The following KCNAB2 variants were observed in gnomAD, a reference collection of about 807,000 sequenced individuals.
The protein encoded by KCNAB2 is voltage-gated potassium channel subunit beta-2.
In KCNAB2, 29 loss-of-function variants were observed where a neutral mutation model predicts 63.6. The ratio of observed to expected loss-of-function variants is 0.46; its 90% CI spans 0.34 to 0.62. KCNAB2 has a LOEUF of 0.62. Among genes scored for constraint, KCNAB2 ranks in the 20% least tolerant of loss-of-function variants. The pLI is 0.01. For synonymous variants in KCNAB2, 222 were observed against 224.2 expected (o/e 0.99, Z 0.09); for missense variants, 359 against 563.9 (o/e 0.64, Z 3.68).
intron 2 of KCNAB2, among the ~76,000 whole-genome samples, chr1:6,052,801 A>G (rs1661503159): frequency 6.6e-6 from 1 of 152,198 alleles, no homozygotes; most frequent in South Asian, 2.1e-4. Context: ...TAAACGCGTA[A>G]CTTTTTAGCA....
rs150813072 is a variant in KCNAB2 at position 6,063,052 on chromosome 1, G to A, written c.219-9703G>A. On this transcript the variant is annotated intron_variant, in intron 2 of 15. Transcript: ENST00000378083. ...TGGATTTTTTTTTTTTTTTTGAGAC[G>A]GAATCTCACTGTCGCCCAGGCTAGA... is the stretch of plus-strand genomic sequence containing the variant. Among the ~76,000 whole-genome samples, 662 of 147,522 alleles carry A rather than the reference G, an allele frequency of 4.5e-3. 2 individuals are homozygous for A. The highest frequency in any genetic ancestry group is 6.5e-3 in the Non-Finnish European group (439 of 67,244).
intron 2 of KCNAB2, 108 bp downstream of exon 2, chr1:6,051,862 G>A: frequency 7.9e-7 from 1 of 1,273,382 alleles, no homozygotes; most frequent in Non-Finnish European, 1.1e-6. Context: ...CCAGCACTTG[G>A]GGAGGCAGAG....
intron 2 of KCNAB2, among the ~76,000 whole-genome samples, chr1:6,064,735 C>A (rs377740581): frequency 9.2e-5 from 14 of 152,304 alleles, no homozygotes; most frequent in African/African-American, 3.4e-4. Context: ...CGTCACCCCA[C>A]CACCTTCCAG....
intron 1 of KCNAB2, among the ~76,000 whole-genome samples, chr1:6,013,537 T>C (rs1883765): frequency 0.96 from 145,392 of 152,224 alleles, 69,481 homozygotes; most frequent in East Asian, 1. Flanking sequence ...GCATCTGAGG[T>C]CAGACACAGC....
At chr1:6,045,267 G>A (rs1348679766), upstream of KCNAB2, among the ~76,000 whole-genome samples, 1 of 152,152 alleles carries the variant, frequency 6.6e-6, no homozygotes, top group African/African-American at 2.4e-5. The surrounding 1 kb of genome is among the most constrained non-coding windows in gnomAD (Gnocchi z 4.8). Context: ...TCACTGGCGC[G>A]CTTTCTCAGC....
At position 6,100,349 on chromosome 1, in the gene KCNAB2, C is replaced by G. The variant is rs897764315; in HGVS notation, c.*1775C>G. ...CACTCAGTCCTGCTGCCTGCTTCAC[C>G]AGAAGCAGCCCTGTGAGTGTGGGGT... On this transcript the variant is annotated 3_prime_UTR_variant, in exon 16 of 16. Coordinates refer to ENST00000378083, the MANE Select transcript of KCNAB2 (RefSeq NM_001199862.2). 2.7e-4 allele frequency: 74 copies of G among 269,358 alleles called. No homozygotes were observed. Among genetic ancestry groups the G allele is most frequent in the African/African-American group, 1.5e-3 (66 of 45,512 alleles). 16.7% of individuals were successfully genotyped at this position (269,358 alleles called of 1,614,324 possible). A position where few individuals can be genotyped will look rare whatever the true frequency, so the allele number is the denominator to read the frequency against.
rs557162788 is a variant in KCNAB2 at position 6,085,928 on chromosome 1, G to A, written c.425+680G>A. On this transcript the variant is annotated intron_variant, in intron 6 of 15. Coordinates refer to ENST00000378083, the MANE Select transcript of KCNAB2 (RefSeq NM_001199862.2). ...TCCCCTCCAGCACAGACCGGGGAGC[G>A]GTCCCCGGGTGTGATGGAGCCCAAA... is the stretch of plus-strand genomic sequence containing the variant. 36 of 985,448 alleles carry A rather than the reference G, an allele frequency of 3.7e-5. No individual in the cohort carries two copies. In the East Asian group the frequency reaches 6.8e-4, roughly 19 times the overall value. The allele number at this position is 985,448 out of a possible 1,614,324, so 61.0% of individuals were successfully genotyped here.
intron 5 of KCNAB2, among the ~76,000 whole-genome samples, chr1:6,083,678 G>A (rs757175803): frequency 6.6e-6 from 1 of 152,244 alleles, no homozygotes; most frequent in South Asian, 2.1e-4. Context: ...CCTCACAGGG[G>A]AGCTGGGCGC....
intron 5 of KCNAB2, 109 bp from the exon 6 acceptor site, chr1:6,085,095 G>A: frequency 8.8e-7 from 1 of 1,134,332 alleles, no homozygotes. Flanking sequence ...CTGGCTCTCT[G>A]GCCCCAGTGA....
At chr1:6,094,750 T>A (rs1340362280) in intron 11 of KCNAB2, among the ~76,000 whole-genome samples, 1 of 152,212 alleles carries the variant, frequency 6.6e-6, no homozygotes, top group Non-Finnish European at 1.5e-5. Flanking sequence ...GTAGAACACA[T>A]CTGCTAGGTG....
At position 5,994,608 on chromosome 1, in the gene KCNAB2, TG is replaced by T. The variant is rs1158839146; in HGVS notation, c.-53+1826del. On this transcript the variant is annotated intron_variant, in intron 1 of 16. Coordinates refer to the KCNAB2 transcript ENST00000341524. This position sits in a 1 kb window ranked among gnomAD's most constrained non-coding sequence, Gnocchi z 5.4. ...TGGGGGCTGAGCCAGGCACTGGAGTTGGGGGGTGTCGTGAAAAAGTGTGAAA... is the reference window on the plus strand; with the variant it reads ...TGGGGGCTGAGCCAGGCACTGGAGTTGGGGGTGTCGTGAAAAAGTGTGAAA... Among the ~76,000 whole-genome samples the T allele has an allele frequency of 6.6e-6, 1 of 151,942 alleles. No homozygotes were observed. Among genetic ancestry groups the T allele is most frequent in the Non-Finnish European group, 1.5e-5 (1 of 67,986 alleles).
rs1171326333 is a variant in KCNAB2 at position 6,073,115 on chromosome 1, C to T, written c.262+317C>T. On this transcript the variant is annotated intron_variant, in intron 3 of 15. Transcript: ENST00000378083. The surrounding 1 kb of genome is among the most constrained non-coding windows in gnomAD (Gnocchi z 5.7). ...GGCCCTTAGGGCCCCGGGAGTGCAA[C>T]GAAGACACCTTACCTTCCAAGGCAG... Among the ~76,000 whole-genome samples, 2 of 152,254 alleles carry T rather than the reference C, an allele frequency of 1.3e-5. No individual in the cohort carries two copies. The highest frequency in any genetic ancestry group is 2.4e-5 in the African/African-American group (1 of 41,528).
intron 4 of KCNAB2, among the ~76,000 whole-genome samples, chr1:6,077,857 C>A (rs531221465): frequency 6.6e-6 from 1 of 152,234 alleles, no homozygotes; most frequent in South Asian, 2.1e-4. Context: ...GGCAAGACAC[C>A]GTCTCCAGTG....
intron 4 of KCNAB2, among the ~76,000 whole-genome samples, chr1:6,079,986 T>C (rs1390697371): frequency 6.6e-6 from 1 of 152,198 alleles, no homozygotes; most frequent in African/African-American, 2.4e-5. Flanking sequence ...GGATGTATTG[T>C]GAGTGAAAAA....
Position 6,096,479 on chromosome 1 carries a change from A to C in KCNAB2, c.949-157A>C, listed in dbSNP as rs1007586961. 5 of 997,824 alleles carry C rather than the reference A, an allele frequency of 5.0e-6. No homozygotes were observed. The highest frequency in any genetic ancestry group is 7.2e-6 in the Non-Finnish European group (5 of 691,616). The allele number at this position is 997,824 out of a possible 1,614,324, so 61.8% of individuals were successfully genotyped here. A position where few individuals can be genotyped will look rare whatever the true frequency, so the allele number is the denominator to read the frequency against. On this transcript the variant is annotated intron_variant, in intron 13 of 15. Transcript: ENST00000378083. This position sits in a 1 kb window ranked among gnomAD's most constrained non-coding sequence, Gnocchi z 5.9. ...CACTGCCCACTCTCCCCTACTTGAG[A>C]GGCCTGGGGCAGGGGCACTGCCCTG...
chr1:6,063,220 TC>T (rs1194341599), intron 2 of KCNAB2, among the ~76,000 whole-genome samples: 2 of 151,844 alleles, frequency 1.3e-5, no homozygotes, highest in African/African-American at 4.8e-5. Context: ...AGACGGGGTT[TC>T]GCCATGTTGG....
intron 2 of KCNAB2, among the ~76,000 whole-genome samples, chr1:6,063,594 A>G (rs1376188588): frequency 6.6e-6 from 1 of 151,888 alleles, no homozygotes; most frequent in Non-Finnish European, 1.5e-5. Flanking sequence ...TATTTTTAGT[A>G]GAAATGGGGT....
chr1:6,030,770 G>A (rs1348850349), upstream of KCNAB2, among the ~76,000 whole-genome samples: 1 of 149,840 alleles, frequency 6.7e-6, no homozygotes, highest in Non-Finnish European at 1.5e-5. Context: ...GTACGTGTGT[G>A]TAGATATGTG....
At position 6,100,267 on chromosome 1, in the gene KCNAB2, C is replaced by A; in HGVS notation, c.*1693C>A. On this transcript the variant is annotated 3_prime_UTR_variant, in exon 16 of 16. Coordinates refer to ENST00000378083, the MANE Select transcript of KCNAB2 (RefSeq NM_001199862.2). ...CTGCTATTACCGACCCCCCTTCATG[C>A]TGCCCCTGGCGCCTAGAACCCTTGC... The A allele has an allele frequency of 1.8e-6, 1 of 541,056 alleles. No individual in the cohort carries two copies. Among genetic ancestry groups the A allele is most frequent in the South Asian group, 4.2e-5 (1 of 23,906 alleles). 33.5% of individuals were successfully genotyped at this position (541,056 alleles called of 1,614,324 possible).
Sources: gnomAD v4.1 joint callset for allele counts (sites outside exome capture counted in the v4.1 genomes callset) on GRCh38, gnomAD v4.1.1 for gene constraint, Gnocchi (gnomAD v3.1) non-coding constraint, MANE v1.5 for transcripts, NCBI Gene and HGNC (gene_info 2026-07-23, HGNC 2026-07-21) for gene names.